NKAIN2: variants seen among roughly 807,000 people sequenced by gnomAD.
The protein encoded by NKAIN2 is sodium/potassium transporting ATPase interacting 2, also known as sodium/potassium-transporting ATPase subunit beta-1-interacting protein 2.
Under a neutral mutation model 32.6 loss-of-function variants are expected in NKAIN2, and 14 were observed. The observed-to-expected ratio is 0.43, with a 90% confidence interval of 0.28 to 0.67. The LOEUF is 0.67. Ranked by LOEUF, NKAIN2 falls within the 30% of genes least tolerant of loss-of-function variation. The pLI is 0.17. For synonymous variants in NKAIN2, 80 were observed against 87.2 expected (o/e 0.92, Z 0.46); for missense variants, 198 against 258.3 (o/e 0.77, Z 1.60).
chr6:124,764,624 A>G (rs370479062), intron 4 of NKAIN2, among the ~76,000 whole-genome samples: 36 of 152,180 alleles, frequency 2.4e-4, no homozygotes, highest in East Asian at 2.3e-3. Context: ...TTCTGTTATC[A>G]CTCCTTGCTT....
chr6:123,874,827 T>G (rs936854037), intron 1 of NKAIN2, among the ~76,000 whole-genome samples: 2 of 152,086 alleles, frequency 1.3e-5, no homozygotes, highest in African/African-American at 4.8e-5. Context: ...AATCCCACTG[T>G]CAGAAGACAA....
chr6:124,097,310 G>T (rs73563158), intron 1 of NKAIN2, among the ~76,000 whole-genome samples: 1 of 151,638 alleles, frequency 6.6e-6, no homozygotes, highest in Non-Finnish European at 1.5e-5. Flanking sequence ...TGAATGAAGC[G>T]GGAGAATCGC....
intron 1 of NKAIN2, among the ~76,000 whole-genome samples, chr6:123,918,697 A>C (rs1169305677): frequency 2.6e-5 from 4 of 152,168 alleles, no homozygotes; most frequent in Non-Finnish European, 5.9e-5. Flanking sequence ...TCATCCAATC[A>C]GTTGAAGGCC....
intron 1 of NKAIN2, among the ~76,000 whole-genome samples, chr6:124,018,183 G>A (rs2114752740): frequency 6.6e-6 from 1 of 152,246 alleles, no homozygotes; most frequent in East Asian, 1.9e-4. Flanking sequence ...CTGTACCTTG[G>A]CCCCATTTAG....
At chr6:124,033,975 T>G (rs977631873) in intron 1 of NKAIN2, among the ~76,000 whole-genome samples, 7 of 152,116 alleles carry the variant, frequency 4.6e-5, no homozygotes, top group Admixed American at 1.3e-4. Context: ...CAATTAAAGT[T>G]TGAAATTTGT....
intron 1 of NKAIN2, among the ~76,000 whole-genome samples, chr6:124,276,542 A>T (rs937729571): frequency 6.6e-6 from 1 of 152,120 alleles, no homozygotes; most frequent in African/African-American, 2.4e-5. Flanking sequence ...ACAAAATTAT[A>T]TCTAGTATAT....
At chr6:123,947,372 G>A (rs971906468) in intron 1 of NKAIN2, among the ~76,000 whole-genome samples, 4 of 152,246 alleles carry the variant, frequency 2.6e-5, no homozygotes, top group African/African-American at 9.6e-5. Context: ...GAGAGAAAAT[G>A]CCATTTCAAA....
intron 3 of NKAIN2, among the ~76,000 whole-genome samples, chr6:124,641,530 CTTTTTTTTTTTTTTTTTTTTTTT>C (rs755033671): frequency 6.1e-4 from 12 of 19,536 alleles, no homozygotes; most frequent in South Asian, 2.3e-3. Context: ...AAAACACTAG[CTTTTTTTTTTTTTTTTTTTTTTT>C]TTTTTTTTTT....
At chr6:124,202,537 C>A (rs571024340) in intron 1 of NKAIN2, among the ~76,000 whole-genome samples, 2 of 151,950 alleles carry the variant, frequency 1.3e-5, no homozygotes, top group South Asian at 4.1e-4. Context: ...GGGGGAGAGG[C>A]CACATCCTGA....
At chr6:124,553,854 G>A (rs1780379674) in intron 3 of NKAIN2, among the ~76,000 whole-genome samples, 1 of 152,146 alleles carries the variant, frequency 6.6e-6, no homozygotes, top group African/African-American at 2.4e-5. Flanking sequence ...AACATATCTT[G>A]ACAGGTGCTT....
intron 1 of NKAIN2, among the ~76,000 whole-genome samples, chr6:123,902,397 G>T (rs1774640803): frequency 6.6e-6 from 1 of 152,054 alleles, no homozygotes; most frequent in African/African-American, 2.4e-5. Context: ...ATTTTATTTT[G>T]CTTTAAAACA....
At chr6:124,206,595 CT>C (rs1790899398) in intron 1 of NKAIN2, among the ~76,000 whole-genome samples, 1 of 151,860 alleles carries the variant, frequency 6.6e-6, no homozygotes, top group Non-Finnish European at 1.5e-5. Flanking sequence ...CATTTTCCCC[CT>C]GAACTTGAAT....
intron 1 of NKAIN2, among the ~76,000 whole-genome samples, chr6:124,089,157 G>A (rs151146265): frequency 3.4e-4 from 52 of 151,990 alleles, no homozygotes; most frequent in African/African-American, 1.1e-3. Flanking sequence ...AGTATATTCC[G>A]TATATAACAA....
chr6:124,033,277 C>A lies in NKAIN2; in HGVS notation c.54+229023C>A, dbSNP rs987248364. 2.0e-5 allele frequency among the ~76,000 whole-genome samples: 3 copies of A among 151,960 alleles called. No individual in the cohort carries two copies. In the East Asian group the frequency reaches 5.8e-4, roughly 29 times the overall value. On this transcript the variant is annotated intron_variant, in intron 1 of 6. Transcript: ENST00000368417. ...TAGAGTTAATTGTGTTGCATTAATG[C>A]CTTAAAATAACTTGGATGATTATGT...
chr6:124,254,217 G>A (rs1006510519), intron 1 of NKAIN2, among the ~76,000 whole-genome samples: 1 of 152,116 alleles, frequency 6.6e-6, no homozygotes, highest in African/African-American at 2.4e-5. Flanking sequence ...CTCCCAAAGT[G>A]CTGGGATTAC....
chr6:124,694,537 AAGCATTTCTTCATTC>A (rs1301094905), intron 4 of NKAIN2, among the ~76,000 whole-genome samples: 3 of 152,202 alleles, frequency 2.0e-5, no homozygotes, highest in African/African-American at 7.2e-5. Context: ...CTTCCCTAGA[AAGCATTTCTTCATTC>A]AGCCTCTGTG....
rs934567830 is a variant in NKAIN2, at chr6:124,222,633, C to T, written c.55-60372C>T. On this transcript the variant is annotated intron_variant, in intron 1 of 6. Transcript: ENST00000368417. ...AACCTGGCAGTCAGGTGATATCACC[C>T]AGAACAGAACTCTGGTCACTCCCAA... 3.9e-5 allele frequency among the ~76,000 whole-genome samples: 6 copies of T among 152,098 alleles called. No individual in the cohort carries two copies. The East Asian group carries it at 1.2e-3, about 30-fold the overall frequency.
intron 1 of NKAIN2, among the ~76,000 whole-genome samples, chr6:124,058,536 C>A (rs1490881929): frequency 6.6e-6 from 1 of 151,924 alleles, no homozygotes; most frequent in Non-Finnish European, 1.5e-5. Context: ...TAGTAGGCAC[C>A]TCATAGGCTT....
chr6:124,663,458 A>ATT (rs1195325717), intron 4 of NKAIN2, among the ~76,000 whole-genome samples: 1 of 152,104 alleles, frequency 6.6e-6, no homozygotes, highest in African/African-American at 2.4e-5. Flanking sequence ...ATATTATGCC[A>ATT]TTTTTCAAAA....
Sources: gnomAD v4.1 joint callset for allele counts (sites outside exome capture counted in the v4.1 genomes callset) on GRCh38, gnomAD v4.1.1 for gene constraint, MANE v1.5 for transcripts, NCBI Gene and HGNC (gene_info 2026-07-23, HGNC 2026-07-21) for gene names.